EPC2: variants seen among roughly 807,000 people sequenced by gnomAD.
EPC2 encodes enhancer of polycomb homolog 2.
A neutral mutation model predicts 92.1 loss-of-function variants in EPC2; 14 were observed. The ratio of observed to expected loss-of-function variants is 0.15; its 90% CI spans 0.10 to 0.24. The LOEUF (loss-of-function observed/expected upper bound fraction) is 0.24, where lower values mean the gene tolerates loss of function less well. Among genes scored for constraint, EPC2 ranks in the 10% least tolerant of loss-of-function variants. The pLI is 1.00. For missense variants in EPC2, 755 were observed against 971.5 expected, an observed-to-expected ratio of 0.78 and a Z score of 2.96; for synonymous variants, 340 against 334.7, an observed-to-expected ratio of 1.02 and a Z score of -0.17.
chr2:148,671,261 A>G (rs932667905), intron 1 of EPC2, among the ~76,000 whole-genome samples: 2 of 149,664 alleles, frequency 1.3e-5, no homozygotes, highest in Non-Finnish European at 3.0e-5. Flanking sequence ...ATAATCATAA[A>G]TGCTAAATCT....
chr2:148,748,700 A>G (rs939847967), intron 3 of EPC2, among the ~76,000 whole-genome samples: 1 of 152,002 alleles, frequency 6.6e-6, no homozygotes, highest in African/African-American at 2.4e-5. Flanking sequence ...TAATTTTTTT[A>G]CAATATTTTA....
At chr2:148,755,704 G>A (rs903579928) in intron 4 of EPC2, among the ~76,000 whole-genome samples, 13 of 152,208 alleles carry the variant, frequency 8.5e-5, no homozygotes, top group Admixed American at 8.5e-4. Flanking sequence ...AGTACACTGT[G>A]ACATTTGTGC....
chr2:148,759,205 G>A (rs1335084772), intron 4 of EPC2, among the ~76,000 whole-genome samples: 1 of 152,092 alleles, frequency 6.6e-6, no homozygotes, highest in East Asian at 1.9e-4. Flanking sequence ...CGATTCTCCT[G>A]CCTCAGCCTC....
rs770677289 is a variant in EPC2, at chr2:148,769,153, A to G, written c.1143A>G (p.Val381=). The G allele has an allele frequency of 1.9e-6, 3 of 1,610,432 alleles. No homozygotes were observed. Among genetic ancestry groups the G allele is most frequent in the Admixed American group, 1.7e-5 (1 of 59,720 alleles). The change falls in exon 8 of 14, where the codon GTA becomes GTG. Residue 381 remains valine, a splice_region_variant and synonymous_variant. Transcript: ENST00000258484. ...HSSDEDEFPQ[V]LSPVSEPEEE... is the part of the protein sequence containing the mutation. ...AATGGAATGCCTCTTTTGTCTAGGT[A>G]TTGTCCCCAGTATCAGAACCGGAAG...
intron 1 of EPC2, among the ~76,000 whole-genome samples, chr2:148,671,558 G>A (rs374306310): frequency 5.3e-5 from 8 of 152,136 alleles, no homozygotes; most frequent in Admixed American, 1.3e-4. Flanking sequence ...GGGTTTCAGC[G>A]AGCTGAGATT....
chr2:148,673,757 T>A (rs544927452), intron 1 of EPC2, among the ~76,000 whole-genome samples: 2 of 152,108 alleles, frequency 1.3e-5, no homozygotes, highest in Non-Finnish European at 2.9e-5. Flanking sequence ...CTAATATTTT[T>A]GTATTTTCAG....
At position 148,662,760 on chromosome 2, in the gene EPC2, A is replaced by C. The variant is rs1221455288; in HGVS notation, c.153+17590A>C. ...TGCAGCACACCAACATGGCACGTAC[A>C]TACATACGTAACAAACCTTCACATT... On this transcript the variant is annotated intron_variant, in intron 1 of 13. Transcript: ENST00000258484. 2.0e-5 allele frequency among the ~76,000 whole-genome samples: 3 copies of C among 152,114 alleles called. No individual in the cohort carries two copies. In the East Asian group the frequency reaches 5.8e-4, roughly 29 times the overall value.
At chr2:148,653,971 A>C in intron 1 of EPC2, among the ~76,000 whole-genome samples, 1 of 143,226 alleles carries the variant, frequency 7.0e-6, no homozygotes, top group Non-Finnish European at 1.5e-5. Context: ...TTTTGGAGAC[A>C]GGGTCTTGCT....
Position 148,768,169 on chromosome 2 carries a change from A to G in EPC2, c.1141-982A>G, listed in dbSNP as rs557986509. 3.9e-5 allele frequency among the ~76,000 whole-genome samples: 6 copies of G among 152,298 alleles called. 1 individual carries two copies. The highest frequency in any genetic ancestry group is 1.2e-4 in the African/African-American group (5 of 41,570). On this transcript the variant is annotated intron_variant, in intron 7 of 13. Coordinates refer to ENST00000258484, the MANE Select transcript of EPC2 (RefSeq NM_015630.4). ...AGAGAGGGATTTGTGAGGTTCAGAA[A>G]TTTGCAAGTAAATATGGTTGAGCCA...
chr2:148,728,109 C>T (rs1427733342), intron 2 of EPC2, among the ~76,000 whole-genome samples: 2 of 152,136 alleles, frequency 1.3e-5, no homozygotes, highest in African/African-American at 4.8e-5. Context: ...CCTGCCTGAG[C>T]CTCCCCAACA....
At chr2:148,726,765 G>GTTTTTTTTTTTTTTTTTTTTTTTTTT (rs201293391) in intron 2 of EPC2, among the ~76,000 whole-genome samples, 21 of 100,576 alleles carry the variant, frequency 2.1e-4, no homozygotes, top group South Asian at 3.4e-4. Context: ...TTTGTTTTTT[G>GTTTTTTTTTTTTTTTTTTTTTTTTTT]TTTTTTTTTT....
intron 1 of EPC2, among the ~76,000 whole-genome samples, chr2:148,661,111 G>A (rs1261392838): frequency 6.6e-6 from 1 of 151,866 alleles, no homozygotes; most frequent in Admixed American, 6.6e-5. Context: ...AATAATGTTG[G>A]CAGTTTTACT....
chr2:148,761,880 G>A lies in EPC2; in HGVS notation c.765G>A (p.Glu255=). ...ITILEMIKRR[E]KTKRELLHLT... is the part of the protein sequence containing the mutation. ...TTTTGGAAATGATTAAGAGAAGAGA[G>A]AAAACAAAACGAGAATTATTGCACT... Residue 255 remains glutamate (E), a synonymous_variant, in exon 5 of 14, where the codon GAG becomes GAA. Transcript: ENST00000258484. 1 of 1,598,592 alleles carries A rather than the reference G, an allele frequency of 6.3e-7. No homozygotes were observed. The highest frequency in any genetic ancestry group is 8.5e-7 in the Non-Finnish European group (1 of 1,174,576).
chr2:148,674,130 C>G (rs568153548), intron 1 of EPC2, among the ~76,000 whole-genome samples: 77 of 152,256 alleles, frequency 5.1e-4, no homozygotes, highest in Middle Eastern at 6.8e-3. Context: ...AAGAGAAGAC[C>G]TTTGCAGATC....
chr2:148,740,505 T>G (rs767278962), intron 2 of EPC2, among the ~76,000 whole-genome samples: 1 of 152,194 alleles, frequency 6.6e-6, no homozygotes, highest in East Asian at 1.9e-4. Flanking sequence ...TAACACATTG[T>G]CAGATCTCCT....
chr2:148,759,621 G>A (rs993514201), intron 4 of EPC2, among the ~76,000 whole-genome samples: 14 of 151,872 alleles, frequency 9.2e-5, no homozygotes, highest in African/African-American at 3.4e-4. Context: ...ATATATTAAA[G>A]TATATAGGGA....
intron 2 of EPC2, among the ~76,000 whole-genome samples, chr2:148,719,849 G>A (rs1321916630): frequency 2.0e-5 from 3 of 152,264 alleles, no homozygotes; most frequent in Admixed American, 2.0e-4. Flanking sequence ...AGCCCAAACA[G>A]CCAAGGTGGC....
At chr2:148,772,065 C>T (rs1011180945) in intron 10 of EPC2, among the ~76,000 whole-genome samples, 1 of 152,140 alleles carries the variant, frequency 6.6e-6, no homozygotes, top group African/African-American at 2.4e-5. Flanking sequence ...TCCCAAAGTG[C>T]TAGGATTACA....
intron 1 of EPC2, among the ~76,000 whole-genome samples, chr2:148,653,812 A>G (rs539700552): frequency 6.6e-6 from 1 of 152,084 alleles, no homozygotes; most frequent in South Asian, 2.1e-4. Flanking sequence ...GAACTTTGAA[A>G]TTGTGATTTA....
Sources: allele counts gnomAD v4.1 joint callset (sites outside exome capture counted in the v4.1 genomes callset), GRCh38; gene constraint gnomAD v4.1.1; transcripts MANE v1.5; gene names NCBI Gene and HGNC (gene_info 2026-07-23, HGNC 2026-07-21).